OR7E24: variants seen among roughly 807,000 people sequenced by gnomAD.
The protein encoded by OR7E24 is olfactory receptor family 7 subfamily E member 24, also known as olfactory receptor 7E24.
For synonymous variants in OR7E24, 130 were observed against 157.5 expected, an observed-to-expected ratio of 0.83 and a Z score of 1.31; for missense variants, 385 against 410.3, an observed-to-expected ratio of 0.94 and a Z score of 0.53.
At chr19:9,214,004 G>C in the OR7E24 span, 1 of 1,614,042 alleles carries the variant, frequency 6.2e-7, no homozygotes, top group Non-Finnish European at 8.5e-7. Flanking sequence ...TGACCATGGC[G>C]TACATCACTG....
the OR7E24 span, chr19:9,235,964 C>T: frequency 6.2e-7 from 1 of 1,611,294 alleles, no homozygotes; most frequent in South Asian, 1.1e-5. Context: ...AGCTCCATGG[C>T]CTCAGTGATG....
the OR7E24 span, chr19:9,214,960 G>A: frequency 4.8e-6 from 3 of 620,294 alleles, no homozygotes; most frequent in Non-Finnish European, 5.7e-6. Flanking sequence ...CCTTCCTGGA[G>A]TCCTTACAAA....
At chr19:9,228,039 CACA>C in the OR7E24 span, among the ~76,000 whole-genome samples, 10 of 152,274 alleles carry the variant, frequency 6.6e-5, 1 homozygote, top group Admixed American at 6.5e-5. Flanking sequence ...AGGCGTGAGC[CACA>C]GCGCCCGGCC....
At chr19:9,223,574 A>T in the OR7E24 span, among the ~76,000 whole-genome samples, 1 of 152,062 alleles carries the variant, frequency 6.6e-6, no homozygotes, top group Non-Finnish European at 1.5e-5. Context: ...GGATGACCAG[A>T]TGTGCCGCTT....
the OR7E24 span, among the ~76,000 whole-genome samples, chr19:9,220,525 G>A: frequency 6.6e-6 from 1 of 152,278 alleles, no homozygotes; most frequent in East Asian, 1.9e-4. Flanking sequence ...GTTCATCCAT[G>A]TTGCAAATGA....
chr19:9,246,735 G>A (rs1265889639), upstream of OR7E24, among the ~76,000 whole-genome samples: 1 of 152,144 alleles, frequency 6.6e-6, no homozygotes, highest in East Asian at 1.9e-4. Context: ...ATTATGCTCA[G>A]TGAAAGAAAC....
At chr19:9,227,474 C>T in the OR7E24 span, among the ~76,000 whole-genome samples, 8 of 152,120 alleles carry the variant, frequency 5.3e-5, no homozygotes, top group South Asian at 4.1e-4. Flanking sequence ...GTGATCCACA[C>T]GCCTTGGGCT....
At chr19:9,219,773 T>G in the OR7E24 span, among the ~76,000 whole-genome samples, 14 of 152,344 alleles carry the variant, frequency 9.2e-5, no homozygotes, top group East Asian at 2.7e-3. Context: ...AAGAAGATGA[T>G]AGAATGGAAA....
At chr19:9,232,611 T>G in the OR7E24 span, among the ~76,000 whole-genome samples, 1 of 151,344 alleles carries the variant, frequency 6.6e-6, no homozygotes, top group East Asian at 1.9e-4. Context: ...CAGTCCTTTG[T>G]GCCCTGTGTA....
At chr19:9,218,800 TTTTG>T in the OR7E24 span, among the ~76,000 whole-genome samples, 4 of 152,064 alleles carry the variant, frequency 2.6e-5, no homozygotes, top group Admixed American at 2.6e-4. Flanking sequence ...GGCTTTCTTT[TTTTG>T]TTATTGTTTA....
chr19:9,235,500 C>G, the OR7E24 span: 3 of 1,586,930 alleles, frequency 1.9e-6, no homozygotes, highest in Non-Finnish European at 8.7e-7. Context: ...CTGTGATAGC[C>G]TATGACCGGT....
At chr19:9,233,194 A>G in the OR7E24 span, among the ~76,000 whole-genome samples, 1 of 152,106 alleles carries the variant, frequency 6.6e-6, no homozygotes, top group African/African-American at 2.4e-5. Context: ...TCCTAGACTA[A>G]ATTCGTCTTC....
the OR7E24 span, among the ~76,000 whole-genome samples, chr19:9,227,039 T>C: frequency 1.3e-5 from 2 of 152,172 alleles, no homozygotes; most frequent in African/African-American, 4.8e-5. Flanking sequence ...ATCCTCTTAC[T>C]CCTCCCACCC....
At chr19:9,243,818 G>A (rs2066122414), upstream of OR7E24, among the ~76,000 whole-genome samples, 2 of 152,236 alleles carry the variant, frequency 1.3e-5, no homozygotes, top group African/African-American at 2.4e-5. Context: ...GCAGTTAGAA[G>A]ATACAGCTTC....
At chr19:9,239,714 T>TC in the OR7E24 span, among the ~76,000 whole-genome samples, 2 of 145,980 alleles carry the variant, frequency 1.4e-5, no homozygotes, top group East Asian at 3.9e-4. Context: ...TTTCTTTTTT[T>TC]TTTTTTTTTT....
chr19:9,218,411 A>G, the OR7E24 span, among the ~76,000 whole-genome samples: 1 of 152,182 alleles, frequency 6.6e-6, no homozygotes, highest in Non-Finnish European at 1.5e-5. Flanking sequence ...ACAAAATCAC[A>G]ATAGAAAAAA....
At chr19:9,249,642 G>A (rs1476356109), upstream of OR7E24, among the ~76,000 whole-genome samples, 1 of 152,138 alleles carries the variant, frequency 6.6e-6, no homozygotes, top group African/African-American at 2.4e-5. Context: ...CACAACGAAA[G>A]TAATGCCAAA....
chr19:9,233,681 T>C, the OR7E24 span, among the ~76,000 whole-genome samples: 1 of 152,142 alleles, frequency 6.6e-6, no homozygotes, highest in African/African-American at 2.4e-5. Flanking sequence ...TCAGCACAGT[T>C]TGAGATGGAT....
At position 9,252,049 on chromosome 19, in the gene OR7E24, T is replaced by C; in HGVS notation, c.1006T>C (p.Cys336Arg). Residue 336 changes from cysteine to arginine, a missense_variant, in exon 1 of 1, where the codon TGT (cysteine) becomes CGT (arginine). By Grantham distance (180) the Cys-to-Arg change is radical. Coordinates refer to ENST00000456448, the MANE Select transcript of OR7E24 (RefSeq NM_001079935.2). ...CAAATCTCATCATCTCCATCCTTTT[T>C]GTTATATGGGATAGAAATGGCAGCA... ...IIKSHHLHPF[C>R]YMG is the part of the protein sequence containing the mutation. 1 of 1,613,422 alleles carries C rather than the reference T, an allele frequency of 6.2e-7. No homozygotes were observed. The highest frequency in any genetic ancestry group is 8.5e-7 in the Non-Finnish European group (1 of 1,179,560).
Sources: gnomAD v4.1 joint callset for allele counts (sites outside exome capture counted in the v4.1 genomes callset) on GRCh38, gnomAD v4.1.1 for gene constraint, MANE v1.5 for transcripts, NCBI Gene and HGNC (gene_info 2026-07-23, HGNC 2026-07-21) for gene names.